Variants in NDUFAF2 observed in about 807,000 individuals in gnomAD.
NDUFAF2 encodes the protein NADH dehydrogenase [ubiquinone] 1 alpha subcomplex assembly factor 2.
In NDUFAF2, 13 loss-of-function variants were observed where a neutral mutation model predicts 22.8. The observed-to-expected ratio is 0.57, with a 90% confidence interval of 0.37 to 0.91. The LOEUF is 0.91. Ranked by LOEUF, NDUFAF2 falls within the 40% of genes least tolerant of loss-of-function variation. NDUFAF2 has a pLI of 0.01. For synonymous variants in NDUFAF2, 53 were observed against 64.2 expected (o/e 0.83, Z 0.84); for missense variants, 162 against 195.2 (o/e 0.83, Z 1.01).
intron 1 of NDUFAF2, among the ~76,000 whole-genome samples, chr5:60,996,318 G>A (rs1010356069): frequency 6.6e-6 from 1 of 152,134 alleles, no homozygotes; most frequent in African/African-American, 2.4e-5. Flanking sequence ...CTGGACCAGG[G>A]TGTATCTAGA....
At chr5:60,998,643 A>G (rs1751257717) in intron 1 of NDUFAF2, among the ~76,000 whole-genome samples, 1 of 152,070 alleles carries the variant, frequency 6.6e-6, no homozygotes, top group African/African-American at 2.4e-5. Context: ...GAAAAATGCT[A>G]TGACTTAACC....
chr5:60,982,611 C>A (rs1241632412), intron 1 of NDUFAF2, among the ~76,000 whole-genome samples: 3 of 140,556 alleles, frequency 2.1e-5, no homozygotes, highest in Non-Finnish European at 4.5e-5. Context: ...CATGTGTTCT[C>A]ATTGTTCAGT....
At chr5:61,064,752 A>G (rs1386774155) in intron 1 of NDUFAF2, among the ~76,000 whole-genome samples, 1 of 152,136 alleles carries the variant, frequency 6.6e-6, no homozygotes. Flanking sequence ...GGGACATTAT[A>G]GCAATTAATG....
At chr5:61,084,538 C>G (rs896858014) in intron 2 of NDUFAF2, among the ~76,000 whole-genome samples, 2 of 152,260 alleles carry the variant, frequency 1.3e-5, no homozygotes, top group East Asian at 3.9e-4. Flanking sequence ...TCTGACTACT[C>G]TAAGTACGTC....
At chr5:60,992,823 A>C (rs1751178369) in intron 1 of NDUFAF2, among the ~76,000 whole-genome samples, 1 of 151,802 alleles carries the variant, frequency 6.6e-6, no homozygotes, top group Non-Finnish European at 1.5e-5. Context: ...TTTTTCCTTT[A>C]GTGCTTTAAA....
intron 1 of NDUFAF2, among the ~76,000 whole-genome samples, chr5:60,994,390 G>T (rs955430816): frequency 6.6e-6 from 1 of 152,180 alleles, no homozygotes; most frequent in African/African-American, 2.4e-5. Context: ...CCACAACTCT[G>T]TCACTTGGGC....
At chr5:60,954,359 A>G (rs1750586906) in intron 1 of NDUFAF2, among the ~76,000 whole-genome samples, 1 of 152,184 alleles carries the variant, frequency 6.6e-6, no homozygotes. Context: ...TCCATTTCTA[A>G]GAAGTTAGGG....
At chr5:61,001,827 C>G (rs1235308223) in intron 1 of NDUFAF2, among the ~76,000 whole-genome samples, 2 of 152,222 alleles carry the variant, frequency 1.3e-5, no homozygotes, top group East Asian at 3.9e-4. Flanking sequence ...TTATATAACA[C>G]AGCAATGCTG....
At chr5:60,994,633 C>G (rs1387346324) in intron 1 of NDUFAF2, among the ~76,000 whole-genome samples, 1 of 152,188 alleles carries the variant, frequency 6.6e-6, no homozygotes, top group African/African-American at 2.4e-5. Flanking sequence ...TTATCCCTGA[C>G]CTTTGCAAGT....
chr5:60,979,976 T>C (rs1244680853), intron 1 of NDUFAF2, among the ~76,000 whole-genome samples: 1 of 151,958 alleles, frequency 6.6e-6, no homozygotes, highest in African/African-American at 2.4e-5. Flanking sequence ...ACAGAGACTC[T>C]GTTAAGGGAA....
At chr5:61,002,304 C>T (rs1751306713) in intron 1 of NDUFAF2, among the ~76,000 whole-genome samples, 2 of 152,110 alleles carry the variant, frequency 1.3e-5, no homozygotes, top group African/African-American at 2.4e-5. Flanking sequence ...ACTTCTCTGT[C>T]AGATCAAGCA....
intron 2 of NDUFAF2, among the ~76,000 whole-genome samples, chr5:61,076,275 C>G (rs1374350815): frequency 1.3e-5 from 2 of 152,144 alleles, no homozygotes; most frequent in East Asian, 3.9e-4. Flanking sequence ...AGGGTTTCAC[C>G]ATGTTAGCTA....
intron 3 of NDUFAF2, among the ~76,000 whole-genome samples, chr5:61,123,592 C>T (rs1753001396): frequency 6.6e-6 from 1 of 152,160 alleles, no homozygotes; most frequent in African/African-American, 2.4e-5. Context: ...TACTTTGTAA[C>T]CGTAGTGCAC....
chr5:60,968,362 T>G (rs1440216777), intron 1 of NDUFAF2, among the ~76,000 whole-genome samples: 4 of 151,936 alleles, frequency 2.6e-5, no homozygotes, highest in African/African-American at 7.2e-5. Context: ...TTTTTATTTC[T>G]TTTCTTCTAT....
intron 1 of NDUFAF2, among the ~76,000 whole-genome samples, chr5:61,012,313 A>T (rs1580094362): frequency 6.6e-6 from 1 of 152,092 alleles, no homozygotes; most frequent in South Asian, 2.1e-4. Context: ...TTCCACCAAG[A>T]TCTTCTACAG....
At chr5:61,027,359 A>G (rs1292735384) in intron 1 of NDUFAF2, among the ~76,000 whole-genome samples, 1 of 151,278 alleles carries the variant, frequency 6.6e-6, no homozygotes, top group Non-Finnish European at 1.5e-5. Flanking sequence ...TAATCAGGCT[A>G]GATTACAAGA....
intron 1 of NDUFAF2, among the ~76,000 whole-genome samples, chr5:61,029,452 C>T (rs997690404): frequency 3.9e-5 from 6 of 152,018 alleles, no homozygotes; most frequent in African/African-American, 1.4e-4. Context: ...ACACTATTTC[C>T]ATTTGGGGTT....
intron 1 of NDUFAF2, among the ~76,000 whole-genome samples, chr5:61,040,537 A>G (rs1417462163): frequency 6.6e-6 from 1 of 151,852 alleles, no homozygotes; most frequent in African/African-American, 2.4e-5. Context: ...ATTCCTGAAC[A>G]TTCTCCCATA....
chr5:60,993,568 C>T (rs1039631396), intron 1 of NDUFAF2, among the ~76,000 whole-genome samples: 8 of 152,042 alleles, frequency 5.3e-5, no homozygotes, highest in African/African-American at 1.9e-4. Context: ...TAGCTCCTCT[C>T]TGCAACCTGG....
Sources: gnomAD v4.1 joint callset for allele counts (sites outside exome capture counted in the v4.1 genomes callset) on GRCh38, gnomAD v4.1.1 for gene constraint, MANE v1.5 for transcripts, NCBI Gene and HGNC (gene_info 2026-07-23, HGNC 2026-07-21) for gene names.